CCDC138: variants seen among roughly 807,000 people sequenced by gnomAD.
CCDC138 encodes the protein coiled-coil domain-containing protein 138.
Under a neutral mutation model 82.3 loss-of-function variants are expected in CCDC138, and 66 were observed. That is an observed-to-expected ratio of 0.80 (90% CI 0.66 to 0.98). The LOEUF is 0.98. Ranked by LOEUF, CCDC138 falls within the 50% of genes least tolerant of loss-of-function variation. CCDC138 has a pLI of 0.00. For synonymous variants in CCDC138, 297 were observed against 265.4 expected (o/e 1.12, Z -1.16); for missense variants, 816 against 758.9 (o/e 1.08, Z -0.88).
At chr2:108,819,282 G>A (rs1291092932) in intron 10 of CCDC138, among the ~76,000 whole-genome samples, 2 of 152,184 alleles carry the variant, frequency 1.3e-5, no homozygotes, top group Non-Finnish European at 2.9e-5. Flanking sequence ...GTGTTCCCCT[G>A]CCGGTATAGC....
At chr2:108,838,852 G>T (rs185200887) in intron 10 of CCDC138, among the ~76,000 whole-genome samples, 5 of 151,934 alleles carry the variant, frequency 3.3e-5, no homozygotes, top group Admixed American at 2.6e-4. Context: ...ATATGCCATG[G>T]CAATAAATAT....
At chr2:108,796,255 T>C (rs1558972693) in intron 5 of CCDC138, among the ~76,000 whole-genome samples, 2 of 151,514 alleles carry the variant, frequency 1.3e-5, no homozygotes, top group Non-Finnish European at 2.9e-5. Flanking sequence ...GGGGTTTCAC[T>C]GTGTTAGCCA....
intron 10 of CCDC138, among the ~76,000 whole-genome samples, chr2:108,838,234 A>G (rs1688894166): frequency 1.3e-5 from 2 of 152,180 alleles, no homozygotes; most frequent in African/African-American, 2.4e-5. Flanking sequence ...ACTTTGCTGT[A>G]TCTAAGAATT....
chr2:108,847,933 C>T (rs969733458), intron 12 of CCDC138, among the ~76,000 whole-genome samples: 1 of 152,048 alleles, frequency 6.6e-6, no homozygotes, highest in Non-Finnish European at 1.5e-5. Flanking sequence ...AGGTCACTTA[C>T]GAGAAGCAGG....
At chr2:108,834,341 T>C (rs1688237034) in intron 10 of CCDC138, among the ~76,000 whole-genome samples, 1 of 151,904 alleles carries the variant, frequency 6.6e-6, no homozygotes, top group Non-Finnish European at 1.5e-5. Flanking sequence ...GCCTCCCAAG[T>C]AGCTGGGATT....
intron 12 of CCDC138, among the ~76,000 whole-genome samples, chr2:108,853,968 A>T: frequency 8.9e-6 from 1 of 112,336 alleles, no homozygotes; most frequent in African/African-American, 3.4e-5. Context: ...ATATAATAAA[A>T]TATATATAAT....
chr2:108,827,193 A>C (rs1039127402), intron 10 of CCDC138, among the ~76,000 whole-genome samples: 24 of 152,316 alleles, frequency 1.6e-4, no homozygotes, highest in Admixed American at 9.2e-4. Flanking sequence ...TATTTTCATC[A>C]CTTTAAAATA....
chr2:108,811,425 T>C (rs189508849), intron 7 of CCDC138, among the ~76,000 whole-genome samples: 1 of 151,854 alleles, frequency 6.6e-6, no homozygotes, highest in African/African-American at 2.4e-5. Flanking sequence ...TTTAATTTTG[T>C]TGTAGAGATG....
At chr2:108,802,487 G>A (rs1682094753) in intron 6 of CCDC138, among the ~76,000 whole-genome samples, 1 of 144,840 alleles carries the variant, frequency 6.9e-6, no homozygotes, top group African/African-American at 2.7e-5. Flanking sequence ...TTTGTATCCT[G>A]AGACTTTGCT....
At chr2:108,789,566 C>T (rs1679554022) in intron 3 of CCDC138, among the ~76,000 whole-genome samples, 1 of 152,094 alleles carries the variant, frequency 6.6e-6, no homozygotes, top group African/African-American at 2.4e-5. Flanking sequence ...TGCACTCCAG[C>T]CTGGGTGATG....
chr2:108,871,445 C>T (rs1472695663), intron 13 of CCDC138, among the ~76,000 whole-genome samples: 6 of 150,768 alleles, frequency 4.0e-5, no homozygotes, highest in Non-Finnish European at 8.9e-5. Flanking sequence ...CCCAGTTACT[C>T]GGGAGGCAAG....
At chr2:108,884,872 C>T (rs964837379) in intron 2 of CCDC138, 1 of 151,310 alleles carries the variant, frequency 6.6e-6, no homozygotes, top group African/African-American at 2.4e-5. Flanking sequence ...GCCACACACC[C>T]TCGTTGAAAC....
At chr2:108,829,999 A>T (rs1281675877) in intron 10 of CCDC138, among the ~76,000 whole-genome samples, 1 of 149,704 alleles carries the variant, frequency 6.7e-6, no homozygotes, top group Non-Finnish European at 1.5e-5. Context: ...ATATATAATA[A>T]AAAGAAGGTG....
At chr2:108,804,561 T>G (rs777628290) in intron 6 of CCDC138, among the ~76,000 whole-genome samples, 1 of 152,224 alleles carries the variant, frequency 6.6e-6, no homozygotes, top group Non-Finnish European at 1.5e-5. Context: ...ACTGTTTTAT[T>G]ATTCCATGAT....
chr2:108,811,245 CTCTTTTT>C (rs1412873053), intron 7 of CCDC138, among the ~76,000 whole-genome samples: 1 of 109,628 alleles, frequency 9.1e-6, no homozygotes, highest in South Asian at 3.0e-4. Context: ...CTTTCTCTCT[CTCTTTTT>C]TTTTTTTTTT....
rs528597783 is a variant in CCDC138, at chr2:108,844,806, GGC to G, written c.1324-1931_1324-1930del. Among the ~76,000 whole-genome samples, 13 of 149,358 alleles carry G rather than the reference GGC, an allele frequency of 8.7e-5. No individual in the cohort carries two copies. The South Asian group carries it at 2.5e-3, about 29-fold the overall frequency. On this transcript the variant is annotated intron_variant, in intron 11 of 14. Coordinates refer to ENST00000295124, the MANE Select transcript of CCDC138 (RefSeq NM_144978.3). ...TCTGTCATCCAGGCTGGAGAGCAGT[GGC>G]ACGATCTCGGCTCACTGCAACCTCC...
chr2:108,883,448 TAGATG>T (rs1428808486), intron 2 of CCDC138: 1 of 152,232 alleles, frequency 6.6e-6, no homozygotes, highest in Admixed American at 6.5e-5. Flanking sequence ...CCCTGACATA[TAGATG>T]AGATGAAGAT....
chr2:108,840,784 ATTTCTTTT>A (rs112943081), intron 11 of CCDC138, among the ~76,000 whole-genome samples: 7,085 of 148,572 alleles, frequency 0.048, 446 homozygotes, highest in African/African-American at 0.15. Context: ...TCTTTGTTTC[ATTTCTTTT>A]TTTCTTTTTT....
At position 108,788,844 on chromosome 2, in the gene CCDC138, G is replaced by T. The variant is rs1455003321; in HGVS notation, c.152-8G>T. ...GGTAATCTTTCATGGTTTCTTTGTC[G>T]TTGACAGGTGATTTGGATATCTACT... On this transcript the variant is annotated splice_region_variant and splice_polypyrimidine_tract_variant and intron_variant, in intron 2 of 14. Coordinates refer to ENST00000295124, the MANE Select transcript of CCDC138 (RefSeq NM_144978.3). The T allele has an allele frequency of 6.2e-7, 1 of 1,613,806 alleles. No individual in the cohort carries two copies. Among genetic ancestry groups the T allele is most frequent in the Non-Finnish European group, 8.5e-7 (1 of 1,179,856 alleles).
Sources: gnomAD v4.1 joint callset for allele counts (sites outside exome capture counted in the v4.1 genomes callset) on GRCh38, gnomAD v4.1.1 for gene constraint, MANE v1.5 for transcripts, NCBI Gene and HGNC (gene_info 2026-07-23, HGNC 2026-07-21) for gene names.